MUC4: variants seen among roughly 807,000 people sequenced by gnomAD.
MUC4 encodes the protein mucin-4.
Under a neutral mutation model 257.9 loss-of-function variants are expected in MUC4, and 202 were observed. The observed-to-expected ratio is 0.78, with a 90% CI of 0.70 to 0.88. The LOEUF (loss-of-function observed/expected upper bound fraction) is 0.88, where lower values mean the gene tolerates loss of function less well. Ranked by LOEUF, MUC4 falls within the 40% of genes least tolerant of loss-of-function variation. The probability of loss-of-function intolerance (pLI) is 0.00; values close to 1 mark genes in which losing one functional copy is unlikely to be tolerated. For missense variants in MUC4, 5,976 were observed against 6,513.7 expected (o/e 0.92, Z 2.84); for synonymous variants, 2,351 against 2,757.1 (o/e 0.85, Z 4.62).
chr3:195,791,551 T>G, intron 1 of MUC4, 54 bp from the exon 2 acceptor site: 1 of 1,126,064 alleles, frequency 8.9e-7, no homozygotes, highest in Admixed American at 1.9e-5. Flanking sequence ...TGAACTCCTA[T>G]TCACAATTGC....
intron 5 of MUC4, 125 bp from the exon 6 acceptor site, chr3:195,770,496 A>G (rs1397523747): frequency 1.8e-6 from 2 of 1,093,026 alleles, no homozygotes; most frequent in Non-Finnish European, 2.7e-6. Context: ...CCCCTGTCCC[A>G]GGCCTGCATT....
chr3:195,775,815 CCATACCTTCCACGGT>C (rs1724468438), intron 3 of MUC4, among the ~76,000 whole-genome samples: 14 of 49,286 alleles, frequency 2.8e-4, no homozygotes, highest in East Asian at 2.1e-3. Context: ...CCTTCCACGG[CCATACCTTCCACGGT>C]CATACCTTCC....
intron 24 of MUC4, 45 bp downstream of exon 24, chr3:195,748,857 G>A (rs1234804436): frequency 1.3e-6 from 2 of 1,496,230 alleles, no homozygotes; most frequent in African/African-American, 1.4e-5. Context: ...CCCAGCTTGG[G>A]TTCCCCAGCA....
At chr3:195,752,071 A>C in intron 21 of MUC4, 1 of 398,764 alleles carries the variant, frequency 2.5e-6, no homozygotes. Flanking sequence ...CTGGGAAGTC[A>C]GGGAAGACTC....
At chr3:195,771,270 T>C (rs112358406) in intron 5 of MUC4, among the ~76,000 whole-genome samples, 48 of 60,412 alleles carry the variant, frequency 7.9e-4, no homozygotes, top group Middle Eastern at 0.01. Flanking sequence ...GTCAGTCTCG[T>C]GGTTGGGTTG....
At position 195,757,121 on chromosome 3, in the gene MUC4, C is replaced by T. The variant is rs747688465; in HGVS notation, c.15168+26G>A. The T allele has an allele frequency of 1.3e-6, 2 of 1,576,772 alleles. No individual in the cohort carries two copies. The highest frequency in any genetic ancestry group is 1.7e-6 in the Non-Finnish European group (2 of 1,152,774). On this transcript the variant is annotated intron_variant, in intron 18 of 24. Transcript: ENST00000463781. This position sits in a 1 kb window ranked among gnomAD's most constrained non-coding sequence, Gnocchi z 4.8. Reference sequence around the variant, plus strand: ...ATTTCCTCTCCCCTCGGCACAGAAACTCCTCCCCCACCTCCCAACACTCAC... The same window carrying T: ...ATTTCCTCTCCCCTCGGCACAGAAATTCCTCCCCCACCTCCCAACACTCAC...
At chr3:195,806,978 C>T (rs1240356188) in intron 1 of MUC4, among the ~76,000 whole-genome samples, 1 of 152,150 alleles carries the variant, frequency 6.6e-6, no homozygotes, top group African/African-American at 2.4e-5. Context: ...CTGGGCGGGG[C>T]GGCATCTCTA....
chr3:195,805,549 G>A (rs907072744), intron 1 of MUC4, among the ~76,000 whole-genome samples: 7 of 152,150 alleles, frequency 4.6e-5, no homozygotes, highest in Non-Finnish European at 7.3e-5. Context: ...GGTTAGCCTC[G>A]GGCTGTCCTG....
rs1391826898 is a variant in MUC4, at chr3:195,762,265, G to A, written c.14345-11C>T. On this transcript the variant is annotated splice_polypyrimidine_tract_variant and intron_variant, in intron 13 of 24. Coordinates refer to ENST00000463781, the MANE Select transcript of MUC4 (RefSeq NM_018406.7). ...TGAACGTCTCCTGGCCTGGAGCATC[G>A]GGAGGCAGCGGAGAGGAAGCCAGGT... 2.6e-6 allele frequency: 4 copies of A among 1,563,288 alleles called. No individual in the cohort carries two copies. Among genetic ancestry groups the A allele is most frequent in the Non-Finnish European group, 2.6e-6 (3 of 1,153,540 alleles).
intron 3 of MUC4, among the ~76,000 whole-genome samples, chr3:195,776,282 A>T (rs866786087): frequency 2.4e-4 from 22 of 90,756 alleles, no homozygotes; most frequent in Admixed American, 4.0e-4. Flanking sequence ...TTCCACACCC[A>T]TACCTTCCAC....
chr3:195,808,691 C>A (rs1736306200), intron 1 of MUC4, among the ~76,000 whole-genome samples: 1 of 152,228 alleles, frequency 6.6e-6, no homozygotes, highest in African/African-American at 2.4e-5. Flanking sequence ...TGAGTTTCAG[C>A]CCCTGCTCTT....
intron 21 of MUC4, 22 bp downstream of exon 21, chr3:195,752,351 G>A (rs199860108): frequency 4.0e-5 from 64 of 1,602,788 alleles, no homozygotes; most frequent in Non-Finnish European, 5.1e-5. Flanking sequence ...CTCCCACCCA[G>A]AGCGCGGCCT....
In MUC4 at chr3:195,790,128, T is replaced by G. The variant is rs773545507; in HGVS notation, c.1452A>C (p.Glu484Asp). The G allele has an allele frequency of 1.1e-5, 18 of 1,614,026 alleles. No homozygotes were observed. The highest frequency in any genetic ancestry group is 1.5e-5 in the Non-Finnish European group (18 of 1,179,910). The change falls in exon 2 of 25, where the codon GAA becomes GAC. Residue 484 changes from glutamate to aspartate, a missense_variant. Physicochemically the swap from Glu to Asp is conservative, Grantham distance 45 (BLOSUM62 2). This residue lies in a region of MUC4 where 1,583 missense variants were observed against 1,257.4 expected (regional missense o/e 1.26). Coordinates refer to ENST00000463781, the MANE Select transcript of MUC4 (RefSeq NM_018406.7). The stretch of plus-strand genomic sequence containing the variant: ...AGAATGAGGAAGGCCATGTTGTTGT[T>G]TCATGTAGAGTAAATATTTCTTGAG... Reference protein sequence around the residue: ...GVSQEIFTLHETTTWPSSFSS... With the variant: ...GVSQEIFTLHDTTTWPSSFSS...
In MUC4 at chr3:195,747,153, T is replaced by C; in HGVS notation, c.*23A>G. On this transcript the variant is annotated 3_prime_UTR_variant, in exon 25 of 25. Transcript: ENST00000463781. ...GGTAAGGATGAGGTGAGTCTTGAGG[T>C]AGCCTAGGCCACAGCTGCCCCTTCA... The C allele has an allele frequency of 1.1e-5, 17 of 1,614,046 alleles. No homozygotes were observed. Among genetic ancestry groups the C allele is most frequent in the Non-Finnish European group, 1.4e-5 (17 of 1,179,894 alleles).
intron 3 of MUC4, among the ~76,000 whole-genome samples, chr3:195,775,409 C>CGG (rs1560283491): frequency 4.1e-5 from 4 of 97,090 alleles, no homozygotes; most frequent in African/African-American, 1.5e-4. Context: ...ACCTTCCACA[C>CGG]CCATACCTTC....
chr3:195,767,683 AC>A (rs1277142423), intron 7 of MUC4, among the ~76,000 whole-genome samples: 78 of 1,192 alleles, frequency 0.065, 4 homozygotes, highest in Non-Finnish European at 0.081. Context: ...CACCACCATC[AC>A]TGGCCACCCC....
In MUC4 at chr3:195,779,973, G is replaced by A. The variant is rs199954783; in HGVS notation, c.11607C>T (p.His3869=). The A allele has an allele frequency of 2.6e-5, 37 of 1,442,562 alleles. 4 individuals are homozygous for A. Among genetic ancestry groups the A allele is most frequent in the Middle Eastern group, 2.5e-4 (1 of 3,934 alleles). 89.4% of individuals were successfully genotyped at this position (1,442,562 alleles called of 1,614,324 possible). ...GGCCGGTAACAGGAAGAGGGGTGGCGTGACCTGTGGATGCTGAGGAAGGGC... is the reference window on the plus strand; with the variant it reads ...GGCCGGTAACAGGAAGAGGGGTGGCATGACCTGTGGATGCTGAGGAAGGGC... ...VTSPSSASTG[H]ATPLPVTGLS... The change falls in exon 2 of 25, where the codon CAC becomes CAT. Residue 3869 remains histidine (H), a synonymous_variant. Transcript: ENST00000463781.
chr3:195,752,294 G>A (rs1716595185), intron 21 of MUC4, 79 bp downstream of exon 21: 2 of 1,284,940 alleles, frequency 1.6e-6, no homozygotes, highest in Middle Eastern at 2.2e-4. Context: ...CAAGATGAAG[G>A]CCGCACAGCG....
chr3:195,807,995 C>A (rs1484735085), intron 1 of MUC4, among the ~76,000 whole-genome samples: 2 of 152,228 alleles, frequency 1.3e-5, no homozygotes, highest in African/African-American at 4.8e-5. Flanking sequence ...CTGGAGCGAG[C>A]CCCTGCTCTA....
Sources: allele counts gnomAD v4.1 joint callset (sites outside exome capture counted in the v4.1 genomes callset), GRCh38; gene constraint gnomAD v4.1.1; regional missense constraint gnomAD v4.1.1; non-coding constraint Gnocchi (gnomAD v3.1); transcripts MANE v1.5; gene names NCBI Gene and HGNC (gene_info 2026-07-23, HGNC 2026-07-21).